The following PDE9A variants were observed in gnomAD, a reference collection of about 807,000 sequenced individuals.
The protein encoded by PDE9A is phosphodiesterase 9A.
PDE9A carries 60 observed loss-of-function variants against 87.4 expected under a neutral mutation model. The observed-to-expected ratio is 0.69, with a 90% CI of 0.56 to 0.85. The LOEUF is 0.85. Among genes scored for constraint, PDE9A ranks in the 40% least tolerant of loss-of-function variants. The pLI, the probability that PDE9A is intolerant of heterozygous loss-of-function variation, is 0.00. For missense variants in PDE9A, 665 were observed against 779.0 expected, an observed-to-expected ratio of 0.85 and a Z score of 1.74; for synonymous variants, 272 against 279.4, an observed-to-expected ratio of 0.97 and a Z score of 0.27.
At position 42,762,156 on chromosome 21, in the gene PDE9A, G is replaced by T; in HGVS notation, c.1159G>T (p.Ala387Ser). Residue 387 changes from alanine (A) to serine (S), a missense_variant, in exon 14 of 20, where the codon GCC becomes TCC. Physicochemically the swap from Ala to Ser is moderately conservative, Grantham distance 99. Coordinates refer to ENST00000291539, the MANE Select transcript of PDE9A (RefSeq NM_002606.3). ...DISPLENHHCAVAFQILAEPE... is the reference protein window; with the variant it reads ...DISPLENHHCSVAFQILAEPE... ...CTCACCGCTGGAGAACCACCACTGCGCCGTGGCCTTCCAGATCCTCGCCGA... is the reference window on the plus strand; with the variant it reads ...CTCACCGCTGGAGAACCACCACTGCTCCGTGGCCTTCCAGATCCTCGCCGA... The T allele has an allele frequency of 6.2e-7, 1 of 1,614,142 alleles. No homozygotes were observed. Among genetic ancestry groups the T allele is most frequent in the Non-Finnish European group, 8.5e-7 (1 of 1,180,002 alleles).
At chr21:42,670,269 ATT>A (rs2058384112) in intron 1 of PDE9A, among the ~76,000 whole-genome samples, 1 of 68,148 alleles carries the variant, frequency 1.5e-5, no homozygotes, top group Non-Finnish European at 2.5e-5. Flanking sequence ...TCACACACAT[ATT>A]CACACATTCA....
At chr21:42,708,533 A>G (rs2049026191) in intron 4 of PDE9A, among the ~76,000 whole-genome samples, 1 of 152,054 alleles carries the variant, frequency 6.6e-6, no homozygotes, top group Non-Finnish European at 1.5e-5. Flanking sequence ...CTGTGGGTGC[A>G]GTTTGATGAG....
At chr21:42,761,650 A>G (rs2055781952) in intron 13 of PDE9A, among the ~76,000 whole-genome samples, 1 of 152,118 alleles carries the variant, frequency 6.6e-6, no homozygotes, top group Admixed American at 6.5e-5. Flanking sequence ...GGCCATCACC[A>G]TGCACACCCA....
At chr21:42,711,297 G>A (rs545501913) in intron 4 of PDE9A, among the ~76,000 whole-genome samples, 32 of 149,032 alleles carry the variant, frequency 2.1e-4, no homozygotes, top group African/African-American at 7.4e-4. Flanking sequence ...TTGTTGCCCA[G>A]GCTGGGGTGC....
intron 4 of PDE9A, among the ~76,000 whole-genome samples, chr21:42,701,851 A>G (rs2048413200): frequency 6.6e-6 from 1 of 152,214 alleles, no homozygotes; most frequent in African/African-American, 2.4e-5. Context: ...TCTAATGAGA[A>G]GTCTGTGATG....
At chr21:42,663,245 GCA>G (rs2057724480) in intron 1 of PDE9A, among the ~76,000 whole-genome samples, 1 of 141,952 alleles carries the variant, frequency 7.0e-6, no homozygotes, top group Non-Finnish European at 1.5e-5. Context: ...TCACACACAT[GCA>G]CACACACCAC....
intron 18 of PDE9A, among the ~76,000 whole-genome samples, chr21:42,771,902 G>A (rs1254755481): frequency 6.6e-6 from 1 of 152,190 alleles, no homozygotes; most frequent in Non-Finnish European, 1.5e-5. Context: ...CCTCTGGAAG[G>A]CTGAGAGCAC....
chr21:42,722,653 G>T lies in PDE9A; in HGVS notation c.263-9117G>T. 6.6e-6 allele frequency among the ~76,000 whole-genome samples: 1 copy of T among 152,204 alleles called. No individual in the cohort carries two copies. ...GGCCATGTGTGCATTCGTTTGCCTA[G>T]GGGAGAAAAGTACACATTCCCATCA... On this transcript the variant is annotated intron_variant, in intron 4 of 19. Coordinates refer to ENST00000291539, the MANE Select transcript of PDE9A (RefSeq NM_002606.3). The surrounding 1 kb of genome is among the most constrained non-coding windows in gnomAD (Gnocchi z 4.1).
At chr21:42,717,294 C>CTTTTT (rs57599893) in intron 4 of PDE9A, among the ~76,000 whole-genome samples, 5 of 85,184 alleles carry the variant, frequency 5.9e-5, no homozygotes, top group Non-Finnish European at 8.4e-5. Flanking sequence ...TGGAACATGC[C>CTTTTT]TTTTTTTTTT....
intron 4 of PDE9A, among the ~76,000 whole-genome samples, chr21:42,728,959 C>T (rs145472092): frequency 6.1e-4 from 90 of 148,426 alleles, no homozygotes; most frequent in Middle Eastern, 3.5e-3. Context: ...GGGATCATAC[C>T]ACTGCACTCC....
chr21:42,713,413 C>T (rs71320551), intron 4 of PDE9A, among the ~76,000 whole-genome samples: 2,590 of 152,326 alleles, frequency 0.017, 52 homozygotes, highest in South Asian at 0.047. Context: ...GGATTACAGG[C>T]GTGAGCCACA....
rs551650778 is a variant in PDE9A, at chr21:42,733,654, T to G, written c.568+228T>G. The G allele has an allele frequency of 4.6e-5, 25 of 549,438 alleles. No individual in the cohort carries two copies. The South Asian group carries it at 6.1e-4, about 13-fold the overall frequency. 34.0% of individuals were successfully genotyped at this position (549,438 alleles called of 1,614,324 possible). ...GCACAGCTCATGGTATAAAGCATTC[T>G]TTCAGCCCCAAAGAATAAAAATGAA... is the stretch of plus-strand genomic sequence containing the variant. On this transcript the variant is annotated intron_variant, in intron 7 of 19. Transcript: ENST00000291539.
chr21:42,719,780 GTTC>G (rs1412863363), intron 4 of PDE9A, among the ~76,000 whole-genome samples: 1 of 152,106 alleles, frequency 6.6e-6, no homozygotes, highest in East Asian at 1.9e-4. Context: ...CGATCAGATG[GTTC>G]TTCTTAATTT....
intron 3 of PDE9A, among the ~76,000 whole-genome samples, chr21:42,698,435 C>T (rs1178239239): frequency 6.6e-5 from 10 of 152,298 alleles, no homozygotes; most frequent in East Asian, 1.9e-4. Context: ...GCGACAGAAA[C>T]GTTTTGGCTG....
chr21:42,754,098 G>C (rs756709162), intron 10 of PDE9A, 34 bp downstream of exon 10: 5 of 1,439,460 alleles, frequency 3.5e-6, no homozygotes, highest in Non-Finnish European at 4.9e-6. Context: ...CACGTCCCAG[G>C]GGGAGGCAGC....
chr21:42,670,681 ACACACATGCT>A (rs2058497516), intron 1 of PDE9A, among the ~76,000 whole-genome samples: 1 of 151,682 alleles, frequency 6.6e-6, no homozygotes, highest in South Asian at 2.1e-4. Context: ...ACATGCATTC[ACACACATGCT>A]CACACACTCA....
rs956727400 is a variant in PDE9A at position 42,659,279 on chromosome 21, C to T, written c.69+5396C>T. 1.3e-5 allele frequency among the ~76,000 whole-genome samples: 2 copies of T among 152,186 alleles called. No individual in the cohort carries two copies. The highest frequency in any genetic ancestry group is 2.4e-5 in the African/African-American group (1 of 41,444). On this transcript the variant is annotated intron_variant, in intron 1 of 19. Transcript: ENST00000291539. This position sits in a 1 kb window ranked among gnomAD's most constrained non-coding sequence, Gnocchi z 4.1. The stretch of plus-strand genomic sequence containing the variant: ...AGCTGGAAGCCAGAAGCCCACCTGA[C>T]GCCATCAGGAATTTCCATGAATGAC...
intron 4 of PDE9A, among the ~76,000 whole-genome samples, chr21:42,717,294 C>CTTTTTT (rs57599893): frequency 2.3e-5 from 2 of 85,186 alleles, no homozygotes; most frequent in Non-Finnish European, 4.2e-5. Context: ...TGGAACATGC[C>CTTTTTT]TTTTTTTTTT....
chr21:42,757,514 C>CA (rs903598926), intron 10 of PDE9A: 3 of 152,226 alleles, frequency 2.0e-5, no homozygotes, highest in Non-Finnish European at 2.9e-5. Flanking sequence ...GCTGCCATAA[C>CA]AAAGTACCAG....
Sources: gnomAD v4.1 joint callset for allele counts (sites outside exome capture counted in the v4.1 genomes callset) on GRCh38, gnomAD v4.1.1 for gene constraint, Gnocchi (gnomAD v3.1) non-coding constraint, MANE v1.5 for transcripts, NCBI Gene and HGNC (gene_info 2026-07-23, HGNC 2026-07-21) for gene names.